The following LGSN variants were observed in gnomAD, a reference collection of about 807,000 sequenced individuals.
The protein encoded by LGSN is lengsin, lens protein with glutamine synthetase domain, also known as lengsin.
Under a neutral mutation model 19.5 loss-of-function variants are expected in LGSN, and 21 were observed. That is an observed-to-expected ratio of 1.07 (90% CI 0.76 to 1.55). The LOEUF (loss-of-function observed/expected upper bound fraction) is 1.55, where lower values mean the gene tolerates loss of function less well. Ranked by LOEUF, LGSN falls within the 40% of genes most tolerant of loss-of-function variation. LGSN has a pLI of 0.00. For synonymous variants in LGSN, 257 were observed against 215.6 expected, an observed-to-expected ratio of 1.19 and a Z score of -1.68; for missense variants, 673 against 608.5, an observed-to-expected ratio of 1.11 and a Z score of -1.12.
the LGSN span, among the ~76,000 whole-genome samples, chr6:63,473,312 A>G: frequency 6.6e-6 from 1 of 151,768 alleles, no homozygotes; most frequent in African/African-American, 2.4e-5. Context: ...GTCTCTACTA[A>G]AAACACAAAA....
the LGSN span, among the ~76,000 whole-genome samples, chr6:63,365,563 T>C: frequency 6.6e-6 from 1 of 151,962 alleles, no homozygotes; most frequent in African/African-American, 2.4e-5. Flanking sequence ...TAGAAAAAGA[T>C]GGAATCCTCC....
chr6:63,421,131 A>T, the LGSN span, among the ~76,000 whole-genome samples: 1 of 152,144 alleles, frequency 6.6e-6, no homozygotes, highest in African/African-American at 2.4e-5. Context: ...AATAGAAATT[A>T]TTCAGTCTGG....
the LGSN span, among the ~76,000 whole-genome samples, chr6:63,384,006 G>T: frequency 1.3e-5 from 2 of 152,186 alleles, no homozygotes; most frequent in African/African-American, 4.8e-5. Flanking sequence ...GATCCTAGAT[G>T]TCTGCTTTCA....
the LGSN span, among the ~76,000 whole-genome samples, chr6:63,444,207 T>C: frequency 2.0e-4 from 31 of 152,130 alleles, no homozygotes; most frequent in Admixed American, 3.9e-4. Flanking sequence ...CTAAGTAGTA[T>C]GTTATCTCTT....
the LGSN span, among the ~76,000 whole-genome samples, chr6:63,390,122 T>TTTC: frequency 1.6e-4 from 19 of 120,588 alleles, no homozygotes; most frequent in African/African-American, 6.2e-4. Flanking sequence ...TTCTTTCTTT[T>TTTC]TTTTTTTTTT....
At chr6:63,467,561 C>T in the LGSN span, among the ~76,000 whole-genome samples, 10 of 152,302 alleles carry the variant, frequency 6.6e-5, no homozygotes, top group East Asian at 1.3e-3. Context: ...CAATGGGGCA[C>T]CTTCTCCCTG....
At chr6:63,456,107 G>A in the LGSN span, among the ~76,000 whole-genome samples, 33 of 150,036 alleles carry the variant, frequency 2.2e-4, no homozygotes, top group East Asian at 5.6e-3. Context: ...GTGGGCACCT[G>A]TAATCCCAGC....
the LGSN span, among the ~76,000 whole-genome samples, chr6:63,505,935 C>T: frequency 6.6e-6 from 1 of 152,158 alleles, no homozygotes; most frequent in Admixed American, 6.5e-5. Context: ...AGGCATGAGC[C>T]ACTGCGCCCA....
the LGSN span, chr6:63,441,323 G>A: frequency 2.1e-6 from 1 of 470,852 alleles, no homozygotes; most frequent in Admixed American, 2.3e-5. Flanking sequence ...TGGGCCGTTT[G>A]GTCAACCTCC....
chr6:63,508,644 C>T, the LGSN span, among the ~76,000 whole-genome samples: 8 of 151,960 alleles, frequency 5.3e-5, no homozygotes, highest in African/African-American at 1.9e-4. Context: ...TGGCTGGGCA[C>T]GGTGGCTCAC....
chr6:63,501,735 G>C, the LGSN span, among the ~76,000 whole-genome samples: 3 of 152,060 alleles, frequency 2.0e-5, no homozygotes, highest in African/African-American at 7.2e-5. Flanking sequence ...GCTGTTCTTG[G>C]ATCTTTTAAG....
the LGSN span, among the ~76,000 whole-genome samples, chr6:63,430,002 C>T: frequency 2.6e-5 from 4 of 152,162 alleles, no homozygotes; most frequent in Admixed American, 1.3e-4. Context: ...CAAAATTTCC[C>T]GGAAATGCCT....
chr6:63,562,757 G>A, the LGSN span, among the ~76,000 whole-genome samples: 1 of 152,178 alleles, frequency 6.6e-6, no homozygotes, highest in Admixed American at 6.5e-5. Context: ...ACTTTTAGGA[G>A]TCCCGCTGCT....
chr6:63,402,997 C>T, the LGSN span, among the ~76,000 whole-genome samples: 4 of 152,028 alleles, frequency 2.6e-5, no homozygotes, highest in African/African-American at 7.2e-5. Context: ...GCCTGCCAAC[C>T]TACCCTGTAG....
chr6:63,550,102 G>A, the LGSN span, among the ~76,000 whole-genome samples: 5 of 152,062 alleles, frequency 3.3e-5, no homozygotes, highest in African/African-American at 9.7e-5. Flanking sequence ...AACTTGAAAC[G>A]TTTAAACAGA....
Position 63,280,860 on chromosome 6 carries a change from A to C in LGSN, c.691T>G (p.Phe231Val), listed in dbSNP as rs1290815532. The C allele has an allele frequency of 3.7e-6, 6 of 1,614,034 alleles. No individual in the cohort carries two copies. Among genetic ancestry groups the C allele is most frequent in the Non-Finnish European group, 5.1e-6 (6 of 1,180,016 alleles). ...AAGGGCTGATCATGGTTATTTAAAA[A>C]TGTTAAAGCAGGAAAAGATATAATC... is the stretch of plus-strand genomic sequence containing the variant. Reference protein sequence around the residue: ...SKIISFPALTFLNNHDQPFMQ... With the variant: ...SKIISFPALTVLNNHDQPFMQ... Residue 231 changes from phenylalanine (F) to valine (V), a missense_variant, in exon 4 of 4, where the codon TTT becomes GTT. Transcript: ENST00000370657.
the LGSN span, among the ~76,000 whole-genome samples, chr6:63,411,643 A>G: frequency 6.6e-6 from 1 of 152,190 alleles, no homozygotes; most frequent in African/African-American, 2.4e-5. Flanking sequence ...AGTTTGAGCT[A>G]ACCAAGACAA....
rs115017359 is a variant in LGSN at position 63,306,331 on chromosome 6, G to A, written c.31-11286C>T. On this transcript the variant is annotated intron_variant, in intron 1 of 3. Transcript: ENST00000370657. ...CCTACATCACCATAGCTTGATAATT[G>A]ACTTAAATGGAATTCTGTTTTTATT... 3.7e-3 allele frequency among the ~76,000 whole-genome samples: 566 copies of A among 152,236 alleles called. 4 individuals are homozygous for A. The highest frequency in any genetic ancestry group is 0.013 in the African/African-American group (530 of 41,558).
At chr6:63,560,719 T>C in the LGSN span, among the ~76,000 whole-genome samples, 38 of 152,310 alleles carry the variant, frequency 2.5e-4, no homozygotes, top group Admixed American at 3.9e-4. Context: ...GCCTAATTTT[T>C]GAAATTAAGT....
Sources: allele counts gnomAD v4.1 joint callset (sites outside exome capture counted in the v4.1 genomes callset), GRCh38; gene constraint gnomAD v4.1.1; transcripts MANE v1.5; gene names NCBI Gene and HGNC (gene_info 2026-07-23, HGNC 2026-07-21).